CTNNA3: variants seen among roughly 807,000 people sequenced by gnomAD.
The protein encoded by CTNNA3 is catenin alpha-3.
In CTNNA3, 76 loss-of-function variants were observed where a neutral mutation model predicts 95.7. The observed-to-expected ratio is 0.79, with a 90% CI of 0.66 to 0.96. CTNNA3 has a LOEUF of 0.96. CTNNA3 is among the 40% of genes least tolerant of loss of function. CTNNA3 has a pLI of 0.00. For synonymous variants in CTNNA3, 431 were observed against 374.4 expected, an observed-to-expected ratio of 1.15 and a Z score of -1.74; for missense variants, 1,191 against 1,089.8, an observed-to-expected ratio of 1.09 and a Z score of -1.31.
chr10:67,648,870 G>C, intron 1 of CTNNA3: 4 of 1,069,422 alleles, frequency 3.7e-6, no homozygotes, highest in Non-Finnish European at 4.9e-6. Flanking sequence ...TTGCCAAATG[G>C]TTTCTCTCAA....
intron 10 of CTNNA3, among the ~76,000 whole-genome samples, chr10:66,547,464 T>C (rs1418607351): frequency 6.7e-6 from 1 of 149,454 alleles, no homozygotes; most frequent in Non-Finnish European, 1.5e-5. Context: ...TGCCTCAGCC[T>C]CCCAAGTAGC....
At chr10:66,637,605 G>T (rs1845380042) in intron 9 of CTNNA3, among the ~76,000 whole-genome samples, 1 of 152,216 alleles carries the variant, frequency 6.6e-6, no homozygotes, top group South Asian at 2.1e-4. Context: ...TTTGCTCAGT[G>T]TATGCCGTTT....
chr10:66,214,284 A>G (rs1353768269), intron 13 of CTNNA3, among the ~76,000 whole-genome samples: 1 of 152,166 alleles, frequency 6.6e-6, no homozygotes. Flanking sequence ...TCCTTCATAC[A>G]AAATATTTGT....
In CTNNA3 at chr10:66,145,563, C is replaced by A. The variant is rs150413883; in HGVS notation, c.1885-42314G>T. Among the ~76,000 whole-genome samples, 82 of 152,100 alleles carry A rather than the reference C, an allele frequency of 5.4e-4. 1 individual carries two copies. Among genetic ancestry groups the A allele is most frequent in the Admixed American group, 2.6e-3 (40 of 15,256 alleles). On this transcript the variant is annotated intron_variant, in intron 13 of 17. Coordinates refer to ENST00000433211, the MANE Select transcript of CTNNA3 (RefSeq NM_013266.4). Reference sequence around the variant, plus strand: ...TCTAAATGACTATGTAAAAATAGGTCCTTCTTGGTGAAGAAAATGGTCTTG... The same window carrying A: ...TCTAAATGACTATGTAAAAATAGGTACTTCTTGGTGAAGAAAATGGTCTTG...
At chr10:66,241,075 G>A (rs1225467938) in intron 13 of CTNNA3, among the ~76,000 whole-genome samples, 1 of 151,982 alleles carries the variant, frequency 6.6e-6, no homozygotes, top group Admixed American at 6.6e-5. Context: ...AGAAAAATGA[G>A]CCCTTCAAAC....
chr10:67,143,222 C>G (rs184591203), intron 7 of CTNNA3, among the ~76,000 whole-genome samples: 80 of 151,996 alleles, frequency 5.3e-4, no homozygotes, highest in Middle Eastern at 6.8e-3. Context: ...AGGTGGATCA[C>G]CTGAGGTCAG....
At chr10:66,925,090 T>C (rs372654823) in intron 7 of CTNNA3, among the ~76,000 whole-genome samples, 9 of 152,232 alleles carry the variant, frequency 5.9e-5, no homozygotes, top group African/African-American at 2.2e-4. Flanking sequence ...TGACTTCTTT[T>C]TTAAATGAAG....
At chr10:66,717,517 T>C (rs1235166830) in intron 9 of CTNNA3, among the ~76,000 whole-genome samples, 1 of 152,112 alleles carries the variant, frequency 6.6e-6, no homozygotes, top group Non-Finnish European at 1.5e-5. Flanking sequence ...GAAATAAACG[T>C]TCAATACATG....
chr10:66,846,016 C>T (rs563188432), intron 7 of CTNNA3, among the ~76,000 whole-genome samples: 1 of 151,902 alleles, frequency 6.6e-6, no homozygotes, highest in South Asian at 2.1e-4. Context: ...CCTATAGTCC[C>T]AGCTACTCGG....
At chr10:67,455,817 G>C (rs1847152497) in intron 5 of CTNNA3, among the ~76,000 whole-genome samples, 1 of 152,110 alleles carries the variant, frequency 6.6e-6, no homozygotes, top group South Asian at 2.1e-4. Context: ...AGAATGTGGA[G>C]ACATGATGAT....
chr10:66,727,705 G>T (rs1379654997), intron 9 of CTNNA3, among the ~76,000 whole-genome samples: 1 of 152,092 alleles, frequency 6.6e-6, no homozygotes. Context: ...TTCAGCAGTA[G>T]CTTTAACTAA....
At chr10:66,529,254 G>T (rs148792234) in intron 10 of CTNNA3, among the ~76,000 whole-genome samples, 4,432 of 151,952 alleles carry the variant, frequency 0.029, 231 homozygotes, top group African/African-American at 0.1. Flanking sequence ...TCAGCCTCCT[G>T]AGTAGCTGAG....
At chr10:67,305,118 T>C (rs1355731609) in intron 5 of CTNNA3, among the ~76,000 whole-genome samples, 1 of 151,864 alleles carries the variant, frequency 6.6e-6, no homozygotes, top group African/African-American at 2.4e-5. Flanking sequence ...CTACTAAAAA[T>C]ACAAAAAATT....
intron 10 of CTNNA3, among the ~76,000 whole-genome samples, chr10:66,563,960 T>C (rs879292477): frequency 5.3e-5 from 8 of 152,036 alleles, no homozygotes; most frequent in Admixed American, 2.6e-4. Context: ...CTTATATATA[T>C]TGATTGATGT....
chr10:66,955,212 C>T (rs890452117), intron 7 of CTNNA3, among the ~76,000 whole-genome samples: 2 of 151,508 alleles, frequency 1.3e-5, no homozygotes, highest in Admixed American at 6.6e-5. Context: ...GACTCAGGTA[C>T]AATATAAGAC....
intron 7 of CTNNA3, among the ~76,000 whole-genome samples, chr10:66,852,434 A>G (rs10997411): frequency 0.58 from 87,641 of 151,910 alleles, 26,316 homozygotes; most frequent in Non-Finnish European, 0.63. Context: ...ACTTGTGTTC[A>G]GAAATATATT....
intron 11 of CTNNA3, among the ~76,000 whole-genome samples, chr10:66,427,240 G>A (rs74143930): frequency 0.015 from 2,319 of 151,980 alleles, 76 homozygotes; most frequent in African/African-American, 0.054. Flanking sequence ...TGGAGCCCAG[G>A]ATACCTTTGG....
intron 13 of CTNNA3, among the ~76,000 whole-genome samples, chr10:66,135,278 T>C (rs1393178008): frequency 6.6e-6 from 1 of 152,088 alleles, no homozygotes; most frequent in Non-Finnish European, 1.5e-5. Context: ...CTGGCTAAGG[T>C]AATGTGTGCA....
intron 5 of CTNNA3, among the ~76,000 whole-genome samples, chr10:67,301,697 G>A (rs186958182): frequency 2.0e-5 from 3 of 152,258 alleles, no homozygotes; most frequent in African/African-American, 7.2e-5. Context: ...GGCTGGGCAT[G>A]GTGGCTCACG....
Sources: gnomAD v4.1 joint callset for allele counts (sites outside exome capture counted in the v4.1 genomes callset) on GRCh38, gnomAD v4.1.1 for gene constraint, MANE v1.5 for transcripts, NCBI Gene and HGNC (gene_info 2026-07-23, HGNC 2026-07-21) for gene names.